Variants in SYNPO2 observed in about 807,000 individuals in gnomAD.
SYNPO2 encodes the protein synaptopodin-2.
A neutral mutation model predicts 85.0 loss-of-function variants in SYNPO2; 56 were observed. That is an observed-to-expected ratio of 0.66 (90% CI 0.53 to 0.82). The LOEUF (loss-of-function observed/expected upper bound fraction) is 0.82, where lower values mean the gene tolerates loss of function less well. Among genes scored for constraint, SYNPO2 ranks in the 40% least tolerant of loss-of-function variants. The probability of loss-of-function intolerance (pLI) is 0.00; values close to 1 mark genes in which losing one functional copy is unlikely to be tolerated. For synonymous variants in SYNPO2, 602 were observed against 591.1 expected, an observed-to-expected ratio of 1.02 and a Z score of -0.27; for missense variants, 1,575 against 1,534.2, an observed-to-expected ratio of 1.03 and a Z score of -0.44.
At chr4:118,892,049 A>C (rs1281569031) in intron 1 of SYNPO2, among the ~76,000 whole-genome samples, 1 of 152,220 alleles carries the variant, frequency 6.6e-6, no homozygotes, top group Admixed American at 6.5e-5. Flanking sequence ...AACAATAAAA[A>C]ATTGAATAAC....
chr4:118,893,003 T>G (rs1007069518), intron 1 of SYNPO2, among the ~76,000 whole-genome samples: 9 of 152,146 alleles, frequency 5.9e-5, no homozygotes, highest in African/African-American at 2.2e-4. Context: ...AATAGAAGAA[T>G]TCCAGAAACA....
intron 1 of SYNPO2, among the ~76,000 whole-genome samples, chr4:118,973,533 C>T (rs1735615987): frequency 6.6e-6 from 1 of 152,106 alleles, no homozygotes; most frequent in African/African-American, 2.4e-5. Context: ...AAAAATTTCC[C>T]TTCACCAAAT....
At chr4:118,945,313 C>T (rs1384733737) in intron 1 of SYNPO2, among the ~76,000 whole-genome samples, 1 of 151,992 alleles carries the variant, frequency 6.6e-6, no homozygotes, top group East Asian at 1.9e-4. Flanking sequence ...GCTTAATTGC[C>T]AAAGATCAAT....
In SYNPO2 at chr4:119,027,477, T is replaced by TG. The variant is rs771981266; in HGVS notation, c.1069+44dup. 8.1e-6 allele frequency: 12 copies of TG among 1,489,730 alleles called. No individual in the cohort carries two copies. In the South Asian group the frequency reaches 1.6e-4, roughly 19 times the overall value. 92.3% of individuals were successfully genotyped at this position (1,489,730 alleles called of 1,614,324 possible). On this transcript the variant is annotated intron_variant, in intron 3 of 4. Transcript: ENST00000307142. ...GGGCTTTCAGAAGGGGCTTGGGAGT[T>TG]GGGGGCATTTTGCTGCTTCTTTGCT...
chr4:118,948,353 A>G (rs546666406), intron 1 of SYNPO2, among the ~76,000 whole-genome samples: 3 of 152,342 alleles, frequency 2.0e-5, no homozygotes, highest in South Asian at 2.1e-4. Context: ...CTGAGTCTAC[A>G]TGGGGAATCC....
At chr4:118,882,051 C>G (rs1008535941) in intron 1 of SYNPO2, among the ~76,000 whole-genome samples, 1 of 152,204 alleles carries the variant, frequency 6.6e-6, no homozygotes, top group African/African-American at 2.4e-5. Context: ...TCCCAACCAG[C>G]ATGTTTCTTT....
intron 1 of SYNPO2, among the ~76,000 whole-genome samples, chr4:118,966,810 T>C (rs990223666): frequency 6.6e-6 from 1 of 152,142 alleles, no homozygotes; most frequent in Admixed American, 6.5e-5. Flanking sequence ...ATTTTACTAA[T>C]GTAGGTTGAA....
At chr4:118,934,567 C>T (rs1734038516) in intron 1 of SYNPO2, among the ~76,000 whole-genome samples, 1 of 152,136 alleles carries the variant, frequency 6.6e-6, no homozygotes, top group African/African-American at 2.4e-5. Flanking sequence ...AGCTTCAAAC[C>T]CCTTCCCACC....
At chr4:119,055,197 G>A (rs1739174494) in intron 4 of SYNPO2, among the ~76,000 whole-genome samples, 1 of 151,624 alleles carries the variant, frequency 6.6e-6, no homozygotes, top group South Asian at 2.1e-4. Flanking sequence ...TGTCACCCAG[G>A]CTGGAGTGCA....
At chr4:119,037,213 A>G (rs1231872185) in intron 4 of SYNPO2, 3 of 1,524,742 alleles carry the variant, frequency 2.0e-6, no homozygotes, top group Non-Finnish European at 2.7e-6. Context: ...CAAAATAACA[A>G]CATTCAAAGG....
chr4:118,963,440 C>T (rs530822742), intron 1 of SYNPO2, among the ~76,000 whole-genome samples: 46 of 152,262 alleles, frequency 3.0e-4, no homozygotes, highest in African/African-American at 1.1e-3. Context: ...ATAAGGAAAG[C>T]TTATGATGTT....
At chr4:118,930,538 A>T (rs1733890341) in intron 1 of SYNPO2, among the ~76,000 whole-genome samples, 1 of 152,152 alleles carries the variant, frequency 6.6e-6, no homozygotes, top group Non-Finnish European at 1.5e-5. Context: ...GGCCTAGGGC[A>T]GTGCCTGTAA....
At chr4:118,857,201 ATTTATTCT>A (rs1731521632) in intron 1 of SYNPO2, among the ~76,000 whole-genome samples, 1 of 152,230 alleles carries the variant, frequency 6.6e-6, no homozygotes, top group Non-Finnish European at 1.5e-5. Context: ...ACAGGTAAGT[ATTTATTCT>A]CTTATCTTCT....
At chr4:118,911,431 C>T (rs1035278487) in intron 1 of SYNPO2, among the ~76,000 whole-genome samples, 2 of 152,236 alleles carry the variant, frequency 1.3e-5, no homozygotes, top group South Asian at 2.1e-4. Flanking sequence ...TTGCTTTCCC[C>T]GATTCACCAT....
intron 1 of SYNPO2, among the ~76,000 whole-genome samples, chr4:118,981,407 C>T (rs1306445849): frequency 6.6e-6 from 1 of 152,172 alleles, no homozygotes; most frequent in African/African-American, 2.4e-5. Context: ...GCAGACCCCC[C>T]ACAGAGCTTC....
chr4:119,005,671 T>A (rs6832950), intron 1 of SYNPO2, among the ~76,000 whole-genome samples: 130,114 of 151,640 alleles, frequency 0.86, 55,936 homozygotes, highest in South Asian at 0.94. Context: ...TGATGCCTCC[T>A]GCTTTGTTCT....
chr4:118,998,788 G>A (rs1736714171), intron 1 of SYNPO2, among the ~76,000 whole-genome samples: 1 of 152,180 alleles, frequency 6.6e-6, no homozygotes, highest in Non-Finnish European at 1.5e-5. Flanking sequence ...AGTCTGTGAA[G>A]TATTATTCCA....
upstream of SYNPO2, among the ~76,000 whole-genome samples, chr4:118,883,953 G>C (rs1732156566): frequency 1.3e-5 from 2 of 152,062 alleles, no homozygotes; most frequent in Non-Finnish European, 2.9e-5. Context: ...TTACTACTCA[G>C]GGCTCTGCAA....
At chr4:119,014,409 A>G (rs1173059199) in intron 1 of SYNPO2, among the ~76,000 whole-genome samples, 1 of 152,184 alleles carries the variant, frequency 6.6e-6, no homozygotes, top group Non-Finnish European at 1.5e-5. Flanking sequence ...GTGAGACTCC[A>G]TCTCAAAAAT....
Sources: allele counts gnomAD v4.1 joint callset (sites outside exome capture counted in the v4.1 genomes callset), GRCh38; gene constraint gnomAD v4.1.1; transcripts MANE v1.5; gene names NCBI Gene and HGNC (gene_info 2026-07-23, HGNC 2026-07-21).